KLHL14: variants seen among roughly 807,000 people sequenced by gnomAD.
The protein encoded by KLHL14 is kelch-like protein 14.
KLHL14 carries 22 observed loss-of-function variants against 64.3 expected under a neutral mutation model. The observed-to-expected ratio is 0.34, with a 90% CI of 0.24 to 0.49. The LOEUF is 0.49. Ranked by LOEUF, KLHL14 falls within the 20% of genes least tolerant of loss-of-function variation. The pLI is 0.99. For missense variants in KLHL14, 661 were observed against 789.0 expected, an observed-to-expected ratio of 0.84 and a Z score of 1.94; for synonymous variants, 322 against 333.4, an observed-to-expected ratio of 0.97 and a Z score of 0.37.
At chr18:32,726,039 G>A (rs1200552982) in intron 3 of KLHL14, among the ~76,000 whole-genome samples, 1 of 152,216 alleles carries the variant, frequency 6.6e-6, no homozygotes, top group Non-Finnish European at 1.5e-5. Flanking sequence ...TCATTACCAA[G>A]TGGTGTGATT....
chr18:32,726,149 C>A (rs2050107026), intron 3 of KLHL14, among the ~76,000 whole-genome samples: 1 of 152,200 alleles, frequency 6.6e-6, no homozygotes, highest in East Asian at 1.9e-4. Context: ...TAAATAAAGT[C>A]ATACTGGAAC....
chr18:32,704,488 C>T (rs567004081), intron 3 of KLHL14, among the ~76,000 whole-genome samples: 2 of 152,104 alleles, frequency 1.3e-5, no homozygotes, highest in South Asian at 2.1e-4. Context: ...TTTGGGGGGC[C>T]GAGGCAGACA....
chr18:32,752,272 T>A (rs576524077), intron 2 of KLHL14, among the ~76,000 whole-genome samples: 3 of 152,218 alleles, frequency 2.0e-5, no homozygotes, highest in Non-Finnish European at 4.4e-5. Context: ...TTCTTTTTTT[T>A]CCCTTACTTG....
intron 2 of KLHL14, among the ~76,000 whole-genome samples, chr18:32,752,955 T>TTTTG (rs2050263674): frequency 7.0e-6 from 1 of 142,314 alleles, no homozygotes; most frequent in Admixed American, 7.1e-5. Context: ...AGCATCATAT[T>TTTTG]TGTGTGTGTG....
At chr18:32,725,337 C>A (rs957405109) in intron 3 of KLHL14, among the ~76,000 whole-genome samples, 1 of 152,102 alleles carries the variant, frequency 6.6e-6, no homozygotes, top group Non-Finnish European at 1.5e-5. Flanking sequence ...GCCTTCCTTG[C>A]GTTTTTATTC....
chr18:32,748,217 A>T (rs1001640689), intron 2 of KLHL14, among the ~76,000 whole-genome samples: 1 of 151,640 alleles, frequency 6.6e-6, no homozygotes, highest in Non-Finnish European at 1.5e-5. Context: ...ATTTTTATTT[A>T]TTTTATTTTT....
intron 3 of KLHL14, among the ~76,000 whole-genome samples, chr18:32,711,836 C>T (rs2050020883): frequency 6.6e-6 from 1 of 152,124 alleles, no homozygotes. Context: ...CTTTATCCTT[C>T]GTAGTTGTAT....
At chr18:32,759,484 T>TAC (rs1283335431) in intron 2 of KLHL14, among the ~76,000 whole-genome samples, 1 of 152,210 alleles carries the variant, frequency 6.6e-6, no homozygotes, top group Non-Finnish European at 1.5e-5. Context: ...AGTGATGATG[T>TAC]ACACACATTA....
chr18:32,705,360 T>C (rs2049984908), intron 3 of KLHL14, among the ~76,000 whole-genome samples: 1 of 152,252 alleles, frequency 6.6e-6, no homozygotes, highest in Non-Finnish European at 1.5e-5. Context: ...CTATACATTA[T>C]ATGTAGCAAA....
In KLHL14 at chr18:32,770,199, C is replaced by A. The variant is rs1202302190; in HGVS notation, c.393G>T (p.Ser131=). 1.9e-6 allele frequency: 3 copies of A among 1,612,494 alleles called. No homozygotes were observed. Among genetic ancestry groups the A allele is most frequent in the Non-Finnish European group, 2.5e-6 (3 of 1,178,922 alleles). ...AINNLVLQGC[S]SIGLRLVLEY... ...CGAGCACCAGGCGCAGCCCGATGGACGAGCAGCCCTGCAGCACCAGGTTGT... is the reference window on the plus strand; with the variant it reads ...CGAGCACCAGGCGCAGCCCGATGGAAGAGCAGCCCTGCAGCACCAGGTTGT... The change falls in exon 2 of 9, where the codon TCG becomes TCT. Residue 131 remains serine (S), a synonymous_variant. Coordinates refer to ENST00000359358, the MANE Select transcript of KLHL14 (RefSeq NM_020805.3). This position sits in a 1 kb window ranked among gnomAD's most constrained non-coding sequence, Gnocchi z 6.7.
intron 2 of KLHL14, among the ~76,000 whole-genome samples, chr18:32,756,062 T>G (rs2050279953): frequency 6.6e-6 from 1 of 152,164 alleles, no homozygotes; most frequent in Admixed American, 6.5e-5. Flanking sequence ...TCCCTCCAAA[T>G]TCATGTGTTG....
chr18:32,711,631 G>A (rs1482121385), intron 3 of KLHL14, among the ~76,000 whole-genome samples: 1 of 152,118 alleles, frequency 6.6e-6, no homozygotes, highest in Non-Finnish European at 1.5e-5. Context: ...TTAATGAACT[G>A]TCCTCTTCCC....
chr18:32,721,576 G>C (rs1223074687), intron 3 of KLHL14, among the ~76,000 whole-genome samples: 1 of 152,058 alleles, frequency 6.6e-6, no homozygotes, highest in African/African-American at 2.4e-5. Context: ...CCTATTTTCT[G>C]TTCACTCGAG....
intron 3 of KLHL14, among the ~76,000 whole-genome samples, chr18:32,709,282 C>CT (rs61539762): frequency 0.023 from 3,507 of 152,214 alleles, 130 homozygotes; most frequent in African/African-American, 0.08. Flanking sequence ...CTCTCTGCCT[C>CT]TGACATGTTT....
rs2050242521 is a variant in KLHL14 at position 32,749,864 on chromosome 18, G to A, written c.948-7815C>T. On this transcript the variant is annotated intron_variant, in intron 2 of 8. Coordinates refer to ENST00000359358, the MANE Select transcript of KLHL14 (RefSeq NM_020805.3). The stretch of plus-strand genomic sequence containing the variant: ...CTCACAGACATGAGGATGGATGTGT[G>A]AGTCAGTTCAGGCTGCGATAACAAA... Among the ~76,000 whole-genome samples, 3 of 152,136 alleles carry A rather than the reference G, an allele frequency of 2.0e-5. 1 individual carries two copies. In the South Asian group the frequency reaches 6.2e-4, roughly 32 times the overall value.
intron 4 of KLHL14, among the ~76,000 whole-genome samples, chr18:32,693,413 C>CACACACACACACAGAGAGAGAGAG (rs1229737083): frequency 1.0e-5 from 1 of 97,018 alleles, no homozygotes; most frequent in Non-Finnish European, 1.9e-5. Flanking sequence ...CACACACACA[C>CACACACACACACAGAGAGAGAGAG]AGAGAGAGAG....
chr18:32,772,439 C>G (rs930363503), intron 1 of KLHL14, among the ~76,000 whole-genome samples: 1 of 151,402 alleles, frequency 6.6e-6, no homozygotes, highest in Non-Finnish European at 1.5e-5. Flanking sequence ...TTCGTTGTCT[C>G]CCCCCGCCCC....
At chr18:32,751,017 T>C (rs866752525) in intron 2 of KLHL14, among the ~76,000 whole-genome samples, 6 of 152,166 alleles carry the variant, frequency 3.9e-5, no homozygotes, top group African/African-American at 1.4e-4. Flanking sequence ...GGAATTTCAT[T>C]TGGGGGATAA....
intron 4 of KLHL14, 91 bp from the exon 5 acceptor site, chr18:32,687,324 G>A (rs1741844275): frequency 6.9e-6 from 7 of 1,014,914 alleles, no homozygotes; most frequent in Middle Eastern, 2.0e-4. Flanking sequence ...CTATTCTCAG[G>A]TTTAACAAAT....
Sources: allele counts gnomAD v4.1 joint callset (sites outside exome capture counted in the v4.1 genomes callset), GRCh38; gene constraint gnomAD v4.1.1; non-coding constraint Gnocchi (gnomAD v3.1); transcripts MANE v1.5; gene names NCBI Gene and HGNC (gene_info 2026-07-23, HGNC 2026-07-21).